The following LPIN1 variants were observed in gnomAD, a reference collection of about 807,000 sequenced individuals.
The protein encoded by LPIN1 is lipin 1, also known as phosphatidate phosphatase LPIN1.
LPIN1 carries 71 observed loss-of-function variants against 107.5 expected under a neutral mutation model. The observed-to-expected ratio is 0.66, with a 90% confidence interval of 0.55 to 0.80. The LOEUF is 0.80. Ranked by LOEUF, LPIN1 falls within the 30% of genes least tolerant of loss-of-function variation. The pLI is 0.00. For missense variants in LPIN1, 1,043 were observed against 1,160.6 expected, an observed-to-expected ratio of 0.90 and a Z score of 1.47; for synonymous variants, 445 against 452.6, an observed-to-expected ratio of 0.98 and a Z score of 0.21.
intron 1 of LPIN1, among the ~76,000 whole-genome samples, chr2:11,693,905 G>A (rs1395287385): frequency 1.5e-5 from 2 of 131,208 alleles, no homozygotes; most frequent in African/African-American, 2.9e-5. Context: ...CAAGATCCCG[G>A]CTCACTGGAA....
intron 1 of LPIN1, among the ~76,000 whole-genome samples, chr2:11,706,941 G>T (rs931579018): frequency 6.6e-6 from 1 of 152,056 alleles, no homozygotes; most frequent in African/African-American, 2.4e-5. Flanking sequence ...AATATCAAAA[G>T]GGCCAAAAAG....
intron 5 of LPIN1, among the ~76,000 whole-genome samples, chr2:11,775,162 C>T (rs546102495): frequency 6.6e-6 from 1 of 152,180 alleles, no homozygotes; most frequent in East Asian, 1.9e-4. Flanking sequence ...TTGGACAAGC[C>T]ACGTTTCAAG....
chr2:11,782,508 G>T lies in LPIN1; in HGVS notation c.1264+1G>T. ...ACGGATTCTCCTTCCAGGAAAAGAG[G>T]TACCAAGGCTGGGGCTTCCCGGCTC... On this transcript the variant is annotated splice_donor_variant, in intron 8 of 20. Transcript: ENST00000674199. LOFTEE classifies it high-confidence loss of function. The T allele has an allele frequency of 1.2e-6, 2 of 1,614,014 alleles. No homozygotes were observed. Among genetic ancestry groups the T allele is most frequent in the East Asian group, 2.2e-5 (1 of 44,886 alleles).
In LPIN1 at chr2:11,802,931, T is replaced by C. The variant is rs757310105; in HGVS notation, c.1911T>C (p.Ser637=). 5 of 1,613,290 alleles carry C rather than the reference T, an allele frequency of 3.1e-6. No individual in the cohort carries two copies. Among genetic ancestry groups the C allele is most frequent in the Non-Finnish European group, 4.2e-6 (5 of 1,180,030 alleles). The change falls in exon 15 of 21, where the codon AGT becomes AGC. Residue 637 remains serine, a synonymous_variant. Transcript: ENST00000674199. ...GGGTAAAGCATGAATCATCCTCCAG[T>C]GATGAGGAGCGCGCAGCTGCCAAGC... ...ATRVKHESSS[S]DEERAAAKPS... is the part of the protein sequence containing the mutation.
chr2:11,721,652 G>C (rs1230555171), upstream of LPIN1: 3 of 152,298 alleles, frequency 2.0e-5, no homozygotes, highest in Admixed American at 6.5e-5. Flanking sequence ...GTGGAGATTG[G>C]GGACAGACAC....
At chr2:11,781,079 T>C (rs911888731) in intron 7 of LPIN1, among the ~76,000 whole-genome samples, 2 of 152,254 alleles carry the variant, frequency 1.3e-5, no homozygotes, top group East Asian at 3.8e-4. Context: ...GAAGATGCTA[T>C]AGCCTCTTGC....
chr2:11,762,064 T>A (rs1230858514), intron 1 of LPIN1, among the ~76,000 whole-genome samples: 1 of 152,048 alleles, frequency 6.6e-6, no homozygotes, highest in Non-Finnish European at 1.5e-5. Flanking sequence ...CCTCCTGTGC[T>A]TCTGCTTGAC....
Position 11,787,343 on chromosome 2 carries a change from A to G in LPIN1, c.1643+176A>G, listed in dbSNP as rs368530806. Among the ~76,000 whole-genome samples the G allele has an allele frequency of 2.0e-5, 3 of 149,566 alleles. No individual in the cohort carries two copies. In the East Asian group the frequency reaches 5.9e-4, roughly 29 times the overall value. On this transcript the variant is annotated intron_variant, in intron 11 of 20. Coordinates refer to ENST00000674199, the MANE Select transcript of LPIN1 (RefSeq NM_001349206.2). ...TCCATGCCAATAGAATTGGCAATAT[A>G]GCTGATAGGTTCAGATAGCTCTCAG...
intron 2 of LPIN1, chr2:11,713,815 G>T (rs1271459008): frequency 6.6e-7 from 1 of 1,509,364 alleles, no homozygotes; most frequent in Non-Finnish European, 8.9e-7. Context: ...ACATTAACGT[G>T]AGTGCCGCTG....
At chr2:11,807,756 G>A (rs1177535436) in intron 17 of LPIN1, among the ~76,000 whole-genome samples, 3 of 152,182 alleles carry the variant, frequency 2.0e-5, no homozygotes, top group Non-Finnish European at 4.4e-5. Flanking sequence ...CGCGCACCCA[G>A]TCAGGCCTGT....
At chr2:11,767,958 G>A (rs1231025953) in intron 3 of LPIN1, 100 bp downstream of exon 3, 9 of 803,092 alleles carry the variant, frequency 1.1e-5, no homozygotes, top group Admixed American at 5.6e-5. Context: ...AATACCGGCC[G>A]TGGCTGTGTG....
At chr2:11,717,033 G>A (rs1481440076) in intron 2 of LPIN1, among the ~76,000 whole-genome samples, 1 of 152,144 alleles carries the variant, frequency 6.6e-6, no homozygotes, top group African/African-American at 2.4e-5. Flanking sequence ...GTTGGGAAAG[G>A]ACTGGACCTA....
chr2:11,759,152 T>G (rs1326285486), intron 1 of LPIN1, among the ~76,000 whole-genome samples: 14 of 147,454 alleles, frequency 9.5e-5, no homozygotes, highest in South Asian at 2.2e-4. Context: ...TTTCTTTCTT[T>G]CTTTCTTTCT....
At chr2:11,806,863 T>C (rs17544642) in intron 17 of LPIN1, among the ~76,000 whole-genome samples, 1,642 of 152,326 alleles carry the variant, frequency 0.011, 32 homozygotes, top group African/African-American at 0.033. Context: ...CAAAAACTTA[T>C]TTACATCCCC....
At chr2:11,702,737 A>G (rs1037226682) in intron 1 of LPIN1, among the ~76,000 whole-genome samples, 3 of 152,076 alleles carry the variant, frequency 2.0e-5, no homozygotes, top group African/African-American at 7.2e-5. Flanking sequence ...GGTCACTCTC[A>G]GTCTCTATCT....
At chr2:11,781,394 G>C (rs986734004) in intron 7 of LPIN1, among the ~76,000 whole-genome samples, 1 of 152,228 alleles carries the variant, frequency 6.6e-6, no homozygotes, top group East Asian at 1.9e-4. Flanking sequence ...TGTAACCACA[G>C]ATTTTCTGTA....
At chr2:11,761,938 G>A (rs1669900007) in intron 1 of LPIN1, among the ~76,000 whole-genome samples, 2 of 152,060 alleles carry the variant, frequency 1.3e-5, no homozygotes, top group Admixed American at 1.3e-4. Flanking sequence ...CCAACTGGGT[G>A]CCTATAATTC....
chr2:11,743,723 C>G (rs757972432), upstream of LPIN1, among the ~76,000 whole-genome samples: 7 of 152,174 alleles, frequency 4.6e-5, no homozygotes, highest in Admixed American at 6.5e-5. This position sits in a 1 kb window ranked among gnomAD's most constrained non-coding sequence, Gnocchi z 4.7. Flanking sequence ...CGGGCAGTTA[C>G]AGAGCTAACC....
At chr2:11,710,392 A>G (rs1663348117) in intron 1 of LPIN1, among the ~76,000 whole-genome samples, 1 of 152,178 alleles carries the variant, frequency 6.6e-6, no homozygotes, top group Non-Finnish European at 1.5e-5. Flanking sequence ...TAACACAAGC[A>G]TGTGTTTCAT....
Sources: allele counts gnomAD v4.1 joint callset (sites outside exome capture counted in the v4.1 genomes callset), GRCh38; gene constraint gnomAD v4.1.1; non-coding constraint Gnocchi (gnomAD v3.1); transcripts MANE v1.5; gene names NCBI Gene and HGNC (gene_info 2026-07-23, HGNC 2026-07-21).